The following DNAH6 variants were observed in gnomAD, a reference collection of about 807,000 sequenced individuals.
DNAH6 encodes axonemal beta dynein heavy chain 6.
In DNAH6, 340 loss-of-function variants were observed where a neutral mutation model predicts 491.4. The ratio of observed to expected loss-of-function variants is 0.69; its 90% CI spans 0.63 to 0.76. The LOEUF is 0.76. Ranked by LOEUF, DNAH6 falls within the 30% of genes least tolerant of loss-of-function variation. The pLI is 0.00. For missense variants in DNAH6, 4,443 were observed against 4,972.2 expected (o/e 0.89, Z 3.20); for synonymous variants, 1,603 against 1,686.1 (o/e 0.95, Z 1.21).
chr2:84,610,561 G>C (rs1388134212), intron 21 of DNAH6, among the ~76,000 whole-genome samples: 2 of 152,056 alleles, frequency 1.3e-5, no homozygotes, highest in Non-Finnish European at 1.5e-5. Flanking sequence ...TTCCACCTTT[G>C]ATTGTCCCAT....
At chr2:84,754,231 G>C (rs141064942) in intron 63 of DNAH6, among the ~76,000 whole-genome samples, 5,881 of 151,846 alleles carry the variant, frequency 0.039, 181 homozygotes, top group Non-Finnish European at 0.065. Context: ...CCAGGCTGGA[G>C]TGCAATGGCA....
intron 51 of DNAH6, 30 bp downstream of exon 51, chr2:84,704,332 G>T (rs1388567535): frequency 6.8e-7 from 1 of 1,466,288 alleles, no homozygotes; most frequent in Admixed American, 2.0e-5. Context: ...GTATTGCCAT[G>T]ATACCTGGTA....
At chr2:84,772,200 C>T (rs569669478) in intron 64 of DNAH6, among the ~76,000 whole-genome samples, 3 of 151,840 alleles carry the variant, frequency 2.0e-5, no homozygotes, top group East Asian at 3.9e-4. Context: ...ATGAAAACAA[C>T]TAAAAATATA....
At chr2:84,529,443 T>G (rs1247169349) in intron 4 of DNAH6, among the ~76,000 whole-genome samples, 1 of 152,156 alleles carries the variant, frequency 6.6e-6, no homozygotes, top group East Asian at 1.9e-4. Flanking sequence ...CATATGTATT[T>G]TTGATACTTT....
the DNAH6 span, among the ~76,000 whole-genome samples, chr2:84,462,284 C>CA: frequency 6.6e-6 from 1 of 152,030 alleles, no homozygotes. Context: ...GAAGGCTGAT[C>CA]AAGGACTCAA....
At chr2:84,547,983 A>G (rs190270129) in intron 7 of DNAH6, among the ~76,000 whole-genome samples, 2 of 152,344 alleles carry the variant, frequency 1.3e-5, no homozygotes, top group African/African-American at 4.8e-5. Flanking sequence ...AGCATGTACT[A>G]TAAAGGTTGA....
the DNAH6 span, among the ~76,000 whole-genome samples, chr2:84,495,947 A>G: frequency 6.6e-6 from 1 of 152,240 alleles, no homozygotes; most frequent in Non-Finnish European, 1.5e-5. Flanking sequence ...AGCAGTTCAC[A>G]GACCCTGAAA....
At chr2:84,513,333 T>C (rs1238660582), upstream of DNAH6, among the ~76,000 whole-genome samples, 1 of 152,140 alleles carries the variant, frequency 6.6e-6, no homozygotes, top group Non-Finnish European at 1.5e-5. Context: ...TTCTGCCTGT[T>C]GTAGGTTGTA....
rs377564253 is a variant in DNAH6, at chr2:84,533,043, A to T, written c.662+3877A>T. On this transcript the variant is annotated intron_variant, in intron 4 of 76. Transcript: ENST00000389394. ...ATTTTTTTTCCAATTGTCACTAAAA[A>T]CCTATAGAAGAGTTTTTTCATTTAG... 1.1e-3 allele frequency among the ~76,000 whole-genome samples: 165 copies of T among 152,206 alleles called. 1 individual carries two copies. Among genetic ancestry groups the T allele is most frequent in the Middle Eastern group, 3.4e-3 (1 of 294 alleles).
intron 63 of DNAH6, among the ~76,000 whole-genome samples, chr2:84,746,275 A>T (rs963108679): frequency 6.6e-6 from 1 of 152,176 alleles, no homozygotes; most frequent in Non-Finnish European, 1.5e-5. Context: ...GACATAATAG[A>T]ATAAGAGGAA....
chr2:84,639,568 G>T (rs74943688), intron 31 of DNAH6, among the ~76,000 whole-genome samples: 1,877 of 152,018 alleles, frequency 0.012, 42 homozygotes, highest in African/African-American at 0.043. Context: ...ACAGGCTCCT[G>T]CCACCATGCC....
At chr2:84,550,689 C>A (rs1440791916) in intron 9 of DNAH6, among the ~76,000 whole-genome samples, 1 of 152,048 alleles carries the variant, frequency 6.6e-6, no homozygotes. Flanking sequence ...TGTGCCAGTT[C>A]CTGTGCTGGA....
At chr2:84,811,832 G>A (rs1484946081) in intron 72 of DNAH6, among the ~76,000 whole-genome samples, 1 of 148,760 alleles carries the variant, frequency 6.7e-6, no homozygotes, top group Non-Finnish European at 1.5e-5. Flanking sequence ...CTGCACTCCA[G>A]CCTGGCGACA....
chr2:84,485,917 C>T, the DNAH6 span, among the ~76,000 whole-genome samples: 1 of 151,588 alleles, frequency 6.6e-6, no homozygotes, highest in African/African-American at 2.4e-5. Flanking sequence ...AAACTCCAAC[C>T]TCCTAAATTG....
chr2:84,645,802 T>A (rs1689838835), intron 33 of DNAH6, among the ~76,000 whole-genome samples: 1 of 152,138 alleles, frequency 6.6e-6, no homozygotes, highest in Non-Finnish European at 1.5e-5. Flanking sequence ...CCCTGGAGTT[T>A]TTAACTCTCA....
intron 41 of DNAH6, among the ~76,000 whole-genome samples, chr2:84,679,270 T>C (rs7581654): frequency 0.75 from 113,731 of 152,040 alleles, 42,964 homozygotes; most frequent in East Asian, 0.92. Flanking sequence ...ATTAGTTAAA[T>C]AGTGCATATA....
At chr2:84,778,968 T>G (rs1489669954) in intron 64 of DNAH6, among the ~76,000 whole-genome samples, 1 of 152,230 alleles carries the variant, frequency 6.6e-6, no homozygotes, top group Non-Finnish European at 1.5e-5. Flanking sequence ...GAGATCATGG[T>G]ATTGATTTCT....
intron 70 of DNAH6, among the ~76,000 whole-genome samples, chr2:84,801,406 C>T (rs1034604376): frequency 2.6e-5 from 4 of 152,020 alleles, no homozygotes; most frequent in Non-Finnish European, 5.9e-5. Context: ...ACTGTATGAG[C>T]TGACCATCCC....
rs1446662545 is a variant in DNAH6 at position 84,634,554 on chromosome 2, C to G, written c.4566C>G (p.Cys1522Trp). Reference protein sequence around the residue: ...SGLAQSGAWCCFDEFNRIDIE... With the variant: ...SGLAQSGAWCWFDEFNRIDIE... ...TGGCACAGTCAGGGGCCTGGTGCTG[C>G]TTTGATGAATTTAATCGAATTGACA... Residue 1522 changes from cysteine to tryptophan, a missense_variant, in exon 30 of 77, where the codon TGC becomes TGG. Cys to Trp is a radical substitution (Grantham distance 215). This residue lies in a region of DNAH6 where 2,977 missense variants were observed against 3,296.6 expected (regional missense o/e 0.90). Transcript: ENST00000389394. The G allele has an allele frequency of 1.9e-6, 3 of 1,550,272 alleles. No individual in the cohort carries two copies. In the Admixed American group the frequency reaches 5.9e-5, roughly 31 times the overall value.
Sources: gnomAD v4.1 joint callset for allele counts (sites outside exome capture counted in the v4.1 genomes callset) on GRCh38, gnomAD v4.1.1 for gene constraint, gnomAD v4.1.1 regional missense constraint, MANE v1.5 for transcripts, NCBI Gene and HGNC (gene_info 2026-07-23, HGNC 2026-07-21) for gene names.